The following NUBPL variants were observed in gnomAD, a reference collection of about 807,000 sequenced individuals.
NUBPL encodes NUBP iron-sulfur cluster assembly factor, mitochondrial.
NUBPL carries 31 observed loss-of-function variants against 45.7 expected under a neutral mutation model. The observed-to-expected ratio is 0.68, with a 90% confidence interval of 0.51 to 0.92. The LOEUF (loss-of-function observed/expected upper bound fraction) is 0.92. NUBPL is among the 40% of genes least tolerant of loss of function. The probability of loss-of-function intolerance (pLI) is 0.00; values close to 1 mark genes in which losing one functional copy is unlikely to be tolerated. For synonymous variants in NUBPL, 144 were observed against 140.9 expected (o/e 1.02, Z -0.15); for missense variants, 401 against 398.7 (o/e 1.01, Z -0.05).
rs1468148592 is a variant in NUBPL at position 31,826,654 on chromosome 14, G to A, written c.633G>A (p.Gln211=). The stretch of plus-strand genomic sequence containing the variant: ...GTGCTGTGATTGTCTCCACGCCCCA[G>A]GACATCGCATTGATGGATGCACACA... ...ITGAVIVSTP[Q]DIALMDAHKG... is the part of the protein sequence containing the mutation. Residue 211 remains glutamine (Q), a synonymous_variant, in exon 8 of 11, where the codon CAG becomes CAA. Coordinates refer to ENST00000281081, the MANE Select transcript of NUBPL (RefSeq NM_025152.3). The A allele has an allele frequency of 6.2e-7, 1 of 1,614,138 alleles. No individual in the cohort carries two copies. Among genetic ancestry groups the A allele is most frequent in the Non-Finnish European group, 8.5e-7 (1 of 1,179,982 alleles).
intron 6 of NUBPL, among the ~76,000 whole-genome samples, chr14:31,685,053 A>G (rs778216956): frequency 7.9e-5 from 12 of 152,256 alleles, no homozygotes; most frequent in Non-Finnish European, 1.5e-4. Flanking sequence ...GTTTTCCAAC[A>G]TATCTGTATA....
chr14:31,634,991 C>T (rs866579850), intron 4 of NUBPL, among the ~76,000 whole-genome samples: 1,589 of 150,206 alleles, frequency 0.011, 23 homozygotes, highest in African/African-American at 0.038. Flanking sequence ...GGATATTAGC[C>T]CTCTGTCAGA....
At chr14:31,793,413 TC>T (rs1456661608) in intron 7 of NUBPL, among the ~76,000 whole-genome samples, 1 of 152,110 alleles carries the variant, frequency 6.6e-6, no homozygotes, top group Non-Finnish European at 1.5e-5. Flanking sequence ...AGGAATCACT[TC>T]CCCCTCTTTG....
intron 6 of NUBPL, among the ~76,000 whole-genome samples, chr14:31,674,980 C>T (rs1386576813): frequency 6.6e-6 from 1 of 151,854 alleles, no homozygotes; most frequent in East Asian, 1.9e-4. Flanking sequence ...ACTAAAAATA[C>T]AAAAAAATTA....
chr14:31,793,174 C>T (rs2039413895), intron 7 of NUBPL, among the ~76,000 whole-genome samples: 1 of 152,068 alleles, frequency 6.6e-6, no homozygotes, highest in Non-Finnish European at 1.5e-5. Flanking sequence ...ATCTCTCTCT[C>T]CTTCCCAGTA....
At chr14:31,770,807 G>A (rs535503127) in intron 6 of NUBPL, among the ~76,000 whole-genome samples, 2 of 152,272 alleles carry the variant, frequency 1.3e-5, no homozygotes, top group South Asian at 4.1e-4. Context: ...GAATTGGTTA[G>A]GTCAGATCTT....
At chr14:31,840,987 T>G (rs1239113200) in intron 8 of NUBPL, among the ~76,000 whole-genome samples, 1 of 152,226 alleles carries the variant, frequency 6.6e-6, no homozygotes, top group Non-Finnish European at 1.5e-5. Context: ...TGTTTAAAAT[T>G]ATGTTTGTGA....
At chr14:31,812,920 T>A (rs548842063) in intron 7 of NUBPL, among the ~76,000 whole-genome samples, 2 of 151,748 alleles carry the variant, frequency 1.3e-5, no homozygotes, top group Non-Finnish European at 2.9e-5. Flanking sequence ...TTAAAATCCA[T>A]GAAGGCCTCT....
intron 8 of NUBPL, among the ~76,000 whole-genome samples, chr14:31,835,825 TCTAA>T (rs2040272979): frequency 1.3e-5 from 2 of 152,264 alleles, no homozygotes. Flanking sequence ...CTGGTTTGAG[TCTAA>T]CAAAGAACTG....
At chr14:31,802,253 A>G (rs2039604608) in intron 7 of NUBPL, among the ~76,000 whole-genome samples, 1 of 147,924 alleles carries the variant, frequency 6.8e-6, no homozygotes, top group African/African-American at 2.5e-5. Context: ...TCCTTAGCAC[A>G]CGATTTACTT....
chr14:31,811,252 C>T (rs920670170), intron 7 of NUBPL, among the ~76,000 whole-genome samples: 1 of 152,178 alleles, frequency 6.6e-6, no homozygotes, highest in African/African-American at 2.4e-5. Flanking sequence ...CTTTCTAGTA[C>T]ACCAATTACA....
At chr14:31,660,076 T>A (rs922429808) in intron 4 of NUBPL, among the ~76,000 whole-genome samples, 1 of 152,186 alleles carries the variant, frequency 6.6e-6, no homozygotes, top group Non-Finnish European at 1.5e-5. Context: ...ATGATTTTCT[T>A]CATAGTCTTA....
chr14:31,736,851 T>C (rs2038176719), intron 6 of NUBPL, among the ~76,000 whole-genome samples: 1 of 152,222 alleles, frequency 6.6e-6, no homozygotes, highest in Non-Finnish European at 1.5e-5. Flanking sequence ...TCTACATCCT[T>C]ATTAACACTT....
chr14:31,822,008 G>A (rs1403670124), intron 7 of NUBPL, among the ~76,000 whole-genome samples: 2 of 152,114 alleles, frequency 1.3e-5, no homozygotes, highest in Non-Finnish European at 2.9e-5. Flanking sequence ...TGGACAGAGA[G>A]AGTAGAGGAT....
intron 6 of NUBPL, among the ~76,000 whole-genome samples, chr14:31,754,591 C>CTTTT (rs59085679): frequency 2.1e-4 from 22 of 103,696 alleles, no homozygotes; most frequent in African/African-American, 6.7e-4. Flanking sequence ...AGAGGGTTTT[C>CTTTT]TTTTTTTTTT....
intron 7 of NUBPL, among the ~76,000 whole-genome samples, chr14:31,820,579 A>G (rs992866623): frequency 1.3e-5 from 2 of 152,002 alleles, no homozygotes; most frequent in African/African-American, 2.4e-5. Context: ...ATCCCAGCAC[A>G]TTGGGAGGCA....
chr14:31,666,475 G>C (rs1286680327), intron 4 of NUBPL, among the ~76,000 whole-genome samples: 1 of 151,328 alleles, frequency 6.6e-6, no homozygotes, highest in Non-Finnish European at 1.5e-5. Context: ...ATATTGGTCA[G>C]GCTGGTCTCA....
intron 3 of NUBPL, among the ~76,000 whole-genome samples, chr14:31,591,507 A>G (rs2034142106): frequency 1.3e-5 from 2 of 152,306 alleles, no homozygotes; most frequent in South Asian, 4.1e-4. Flanking sequence ...ATTCTTTGTA[A>G]TAGATTTTCT....
At chr14:31,618,890 T>TA (rs2034983316) in intron 4 of NUBPL, among the ~76,000 whole-genome samples, 2 of 152,168 alleles carry the variant, frequency 1.3e-5, no homozygotes, top group Non-Finnish European at 2.9e-5. Context: ...AGTGGGGTGT[T>TA]AAAGTGTCCC....
Sources: allele counts gnomAD v4.1 joint callset (sites outside exome capture counted in the v4.1 genomes callset), GRCh38; gene constraint gnomAD v4.1.1; transcripts MANE v1.5; gene names NCBI Gene and HGNC (gene_info 2026-07-23, HGNC 2026-07-21).